DSCAM: variants seen among roughly 807,000 people sequenced by gnomAD.
DSCAM encodes the protein DS cell adhesion molecule, also known as cell adhesion molecule DSCAM.
A neutral mutation model predicts 217.7 loss-of-function variants in DSCAM; 47 were observed. The ratio of observed to expected loss-of-function variants is 0.22; its 90% CI spans 0.17 to 0.28. The LOEUF is 0.28. Among genes scored for constraint, DSCAM ranks in the 10% least tolerant of loss-of-function variants. The pLI is 1.00. For synonymous variants in DSCAM, 1,056 were observed against 1,015.3 expected, an observed-to-expected ratio of 1.04 and a Z score of -0.76; for missense variants, 2,080 against 2,618.3, an observed-to-expected ratio of 0.79 and a Z score of 4.49.
chr21:40,697,981 T>TTG (rs566716327), intron 2 of DSCAM, among the ~76,000 whole-genome samples: 7 of 152,244 alleles, frequency 4.6e-5, no homozygotes, highest in South Asian at 4.2e-4. Context: ...ACTTTCCATT[T>TTG]TGTGTGTGTG....
At chr21:40,057,536 G>A (rs2837403) in intron 28 of DSCAM, among the ~76,000 whole-genome samples, 66,010 of 151,928 alleles carry the variant, frequency 0.43, 14,755 homozygotes, top group East Asian at 0.52. Flanking sequence ...TTCATGAATA[G>A]TTATGAGGCA....
chr21:40,789,433 T>C lies in DSCAM; in HGVS notation c.43+57186A>G, dbSNP rs556757721. Among the ~76,000 whole-genome samples the C allele has an allele frequency of 4.6e-5, 7 of 152,300 alleles. No homozygotes were observed. The South Asian group carries it at 1.0e-3, about 23-fold the overall frequency. ...TGGATATGACAATGAGACATTTCTG[T>C]AGCTGAGCAGCTTTGTAAATAATTG... On this transcript the variant is annotated intron_variant, in intron 1 of 32. Coordinates refer to ENST00000400454, the MANE Select transcript of DSCAM (RefSeq NM_001389.5).
At chr21:40,514,796 G>A (rs145389732) in intron 3 of DSCAM, among the ~76,000 whole-genome samples, 51 of 152,214 alleles carry the variant, frequency 3.4e-4, no homozygotes, top group Middle Eastern at 6.8e-3. Context: ...AACCATCAAC[G>A]GAGCTTATCA....
At chr21:40,825,048 T>A (rs1241678297) in intron 1 of DSCAM, among the ~76,000 whole-genome samples, 1 of 152,230 alleles carries the variant, frequency 6.6e-6, no homozygotes, top group Non-Finnish European at 1.5e-5. Flanking sequence ...CCTGGAGACT[T>A]TGCCATGACC....
At chr21:40,152,880 C>G (rs1449134006) in intron 16 of DSCAM, among the ~76,000 whole-genome samples, 1 of 152,230 alleles carries the variant, frequency 6.6e-6, no homozygotes, top group African/African-American at 2.4e-5. Flanking sequence ...CTGCCCCCTT[C>G]CCATTGAAAG....
chr21:40,816,457 T>C (rs1265802052), intron 1 of DSCAM, among the ~76,000 whole-genome samples: 1 of 152,158 alleles, frequency 6.6e-6, no homozygotes, highest in East Asian at 1.9e-4. Flanking sequence ...CATGCACCTG[T>C]AGTCCCACCT....
At chr21:40,687,530 C>G (rs573926980) in intron 3 of DSCAM, among the ~76,000 whole-genome samples, 1 of 151,954 alleles carries the variant, frequency 6.6e-6, no homozygotes, top group African/African-American at 2.4e-5. Context: ...ACCCTCAGGT[C>G]CCCCCGACAG....
chr21:40,475,191 G>C (rs988476623), intron 3 of DSCAM, among the ~76,000 whole-genome samples: 10 of 152,228 alleles, frequency 6.6e-5, no homozygotes, highest in Admixed American at 5.9e-4. Flanking sequence ...TAGCACTTCA[G>C]CTGGCTCCTC....
intron 1 of DSCAM, among the ~76,000 whole-genome samples, chr21:40,750,184 T>A (rs11910567): frequency 6.6e-6 from 1 of 151,784 alleles, no homozygotes; most frequent in East Asian, 1.9e-4. Flanking sequence ...CATCTCAGCC[T>A]CCCAATGTGC....
At chr21:40,088,345 TGAG>T (rs1363175310) in intron 21 of DSCAM, among the ~76,000 whole-genome samples, 1 of 152,066 alleles carries the variant, frequency 6.6e-6, no homozygotes, top group Non-Finnish European at 1.5e-5. Context: ...CAAAGGAAGA[TGAG>T]GAGAAGGCTC....
chr21:40,689,374 G>A (rs1003889236), intron 3 of DSCAM, among the ~76,000 whole-genome samples: 1 of 152,156 alleles, frequency 6.6e-6, no homozygotes, highest in Non-Finnish European at 1.5e-5. Flanking sequence ...AACAGTCAAG[G>A]CTGAGCAGCT....
chr21:40,809,723 G>C (rs367980998), intron 1 of DSCAM, among the ~76,000 whole-genome samples: 12 of 152,108 alleles, frequency 7.9e-5, no homozygotes, highest in East Asian at 5.8e-4. Flanking sequence ...CCTGCCTATG[G>C]TGATCATTTA....
At chr21:40,088,466 C>T (rs909108178) in intron 21 of DSCAM, among the ~76,000 whole-genome samples, 1 of 152,158 alleles carries the variant, frequency 6.6e-6, no homozygotes, top group African/African-American at 2.4e-5. Flanking sequence ...ATCTACCAGA[C>T]CAAATCATAC....
chr21:40,463,258 A>C (rs1276909442), intron 3 of DSCAM, among the ~76,000 whole-genome samples: 1 of 152,028 alleles, frequency 6.6e-6, no homozygotes, highest in East Asian at 1.9e-4. Context: ...AATGCACTTT[A>C]AAAATAAACC....
At chr21:40,357,394 A>G (rs552127272) in intron 4 of DSCAM, among the ~76,000 whole-genome samples, 1 of 152,190 alleles carries the variant, frequency 6.6e-6, no homozygotes, top group African/African-American at 2.4e-5. Context: ...AGCTGTCTGC[A>G]TCCATGTTAC....
intron 1 of DSCAM, among the ~76,000 whole-genome samples, chr21:40,829,294 G>A (rs1351199536): frequency 1.3e-5 from 2 of 152,244 alleles, no homozygotes; most frequent in African/African-American, 2.4e-5. Flanking sequence ...TCTGGGAAAG[G>A]AAGGGGAGTT....
chr21:40,095,184 C>T (rs2089661021), intron 20 of DSCAM, among the ~76,000 whole-genome samples: 1 of 152,168 alleles, frequency 6.6e-6, no homozygotes, highest in Non-Finnish European at 1.5e-5. Flanking sequence ...CTTGTAAAAC[C>T]ATTATATCTC....
At chr21:40,553,004 G>A (rs529783576) in intron 3 of DSCAM, among the ~76,000 whole-genome samples, 4 of 152,254 alleles carry the variant, frequency 2.6e-5, no homozygotes, top group East Asian at 3.9e-4. Flanking sequence ...AATCCAACCC[G>A]GAAATTGAAC....
chr21:40,157,711 T>C lies in DSCAM; in HGVS notation c.3018+9507A>G, dbSNP rs549096908. ...TTTTCTTTTTTCTTTTTTTTTTTTT[T>C]CCTGAGACAGTCTCGCCTTGTCACC... On this transcript the variant is annotated intron_variant, in intron 16 of 32. Coordinates refer to ENST00000400454, the MANE Select transcript of DSCAM (RefSeq NM_001389.5). Among the ~76,000 whole-genome samples the C allele has an allele frequency of 5.7e-3, 378 of 66,316 alleles. 1 individual carries two copies. Among genetic ancestry groups the C allele is most frequent in the African/African-American group, 0.016 (365 of 23,266 alleles). The allele number at this position is 66,316 out of a possible 152,430, so 43.5% of individuals were successfully genotyped here.
Sources: allele counts gnomAD v4.1 joint callset (sites outside exome capture counted in the v4.1 genomes callset), GRCh38; gene constraint gnomAD v4.1.1; transcripts MANE v1.5; gene names NCBI Gene and HGNC (gene_info 2026-07-23, HGNC 2026-07-21).